Variants in CACNA1B observed in about 807,000 individuals in gnomAD.
CACNA1B encodes the protein voltage-dependent N-type calcium channel subunit alpha-1B.
In CACNA1B, 70 loss-of-function variants were observed where a neutral mutation model predicts 247.2. That is an observed-to-expected ratio of 0.28 (90% CI 0.23 to 0.35). The LOEUF is 0.35. Ranked by LOEUF, CACNA1B falls within the 10% of genes least tolerant of loss-of-function variation. The pLI, the probability that CACNA1B is intolerant of heterozygous loss-of-function variation, is 1.00. For synonymous variants in CACNA1B, 1,231 were observed against 1,294.4 expected (o/e 0.95, Z 1.05); for missense variants, 2,367 against 3,197.4 (o/e 0.74, Z 6.26).
In CACNA1B at chr9:138,014,286, C is replaced by T. The variant is rs1958763448; in HGVS notation, c.2267+1051C>T. The stretch of plus-strand genomic sequence containing the variant: ...TGTGAGTGCATGTGCTGAGTGTGTG[C>T]ACCCCCATACCAGCCCTGATCCTGC... On this transcript the variant is annotated intron_variant, in intron 18 of 46. Coordinates refer to ENST00000371372, the MANE Select transcript of CACNA1B (RefSeq NM_000718.4). This position sits in a 1 kb window ranked among gnomAD's most constrained non-coding sequence, Gnocchi z 6.2. 6.6e-6 allele frequency among the ~76,000 whole-genome samples: 1 copy of T among 152,148 alleles called. No individual in the cohort carries two copies. The highest frequency in any genetic ancestry group is 1.5e-5 in the Non-Finnish European group (1 of 68,024).
At chr9:137,892,045 C>A in intron 3 of CACNA1B, 1 of 457,276 alleles carries the variant, frequency 2.2e-6, no homozygotes, top group Non-Finnish European at 4.4e-6. Context: ...GTGTCTTCTC[C>A]ACTCCCACCC....
intron 2 of CACNA1B, among the ~76,000 whole-genome samples, chr9:137,879,711 G>A (rs948470137): frequency 3.9e-5 from 6 of 152,150 alleles, no homozygotes; most frequent in African/African-American, 1.2e-4. Context: ...CAGCCAAGAG[G>A]CCCCCGTGGT....
intron 34 of CACNA1B, 33 bp from the exon 35 acceptor site, chr9:138,075,786 C>G: frequency 6.9e-7 from 1 of 1,446,806 alleles, no homozygotes; most frequent in Non-Finnish European, 9.6e-7. Flanking sequence ...GCAGACCCAG[C>G]AGGGTCCGTG....
rs146996665 is a variant in CACNA1B at position 138,040,481 on chromosome 9, C to CATAT, written c.3287-3281_3287-3278dup. On this transcript the variant is annotated intron_variant, in intron 20 of 46. Coordinates refer to ENST00000371372, the MANE Select transcript of CACNA1B (RefSeq NM_000718.4). Reference sequence around the variant, plus strand: ...ATATATATATGTATCTCCTATATATCATATATATATATATAAATGATATAT... The same window carrying CATAT: ...ATATATATATGTATCTCCTATATATCATATATATATATATATATAAATGATATAT... 1.3e-3 allele frequency: 282 copies of CATAT among 210,140 alleles called. 1 individual carries two copies. Among genetic ancestry groups the CATAT allele is most frequent in the African/African-American group, 6.1e-3 (249 of 40,696 alleles). The allele number at this position is 210,140 out of a possible 1,614,324, so 13.0% of individuals were successfully genotyped here. A position where few individuals can be genotyped will look rare whatever the true frequency, so the allele number is the denominator to read the frequency against.
In CACNA1B at chr9:138,059,272, A is replaced by G. The variant is rs1173720854; in HGVS notation, c.4584+83A>G. ...GTAGGGCGACCTTTGGGGGCTCACAATTTGGAGCTGGGAATTCTCCGAGTA... is the reference window on the plus strand; with the variant it reads ...GTAGGGCGACCTTTGGGGGCTCACAGTTTGGAGCTGGGAATTCTCCGAGTA... On this transcript the variant is annotated intron_variant, in intron 30 of 46. Coordinates refer to ENST00000371372, the MANE Select transcript of CACNA1B (RefSeq NM_000718.4). This position sits in a 1 kb window ranked among gnomAD's most constrained non-coding sequence, Gnocchi z 4.2. The G allele has an allele frequency of 2.6e-5, 20 of 772,660 alleles. No individual in the cohort carries two copies. The highest frequency in any genetic ancestry group is 8.5e-5 in the African/African-American group (5 of 58,600). 47.9% of individuals were successfully genotyped at this position (772,660 alleles called of 1,614,324 possible).
intron 34 of CACNA1B, among the ~76,000 whole-genome samples, chr9:138,075,452 G>C (rs1412105277): frequency 6.6e-6 from 1 of 152,252 alleles, no homozygotes; most frequent in Non-Finnish European, 1.5e-5. Context: ...ATTTTCCCAT[G>C]ATCTGTCAGA....
chr9:137,995,677 A>G (rs1010479361), intron 15 of CACNA1B, among the ~76,000 whole-genome samples: 1 of 152,252 alleles, frequency 6.6e-6, no homozygotes, highest in Non-Finnish European at 1.5e-5. Flanking sequence ...AAAGATAAAT[A>G]TATGAGACTT....
At chr9:137,939,852 A>T (rs886505410) in intron 6 of CACNA1B, among the ~76,000 whole-genome samples, 9 of 67,476 alleles carry the variant, frequency 1.3e-4, no homozygotes, top group Non-Finnish European at 1.7e-4. Context: ...ATAAATAAAA[A>T]AAAATAAAAT....
chr9:138,012,167 A>G lies in CACNA1B; in HGVS notation c.2161-962A>G, dbSNP rs557220198. ...GCAAGTGGTCACCCAGGAGTGGGGG[A>G]GACAGGGAGAGGCTTCTGACAGCCA... is the stretch of plus-strand genomic sequence containing the variant. On this transcript the variant is annotated intron_variant, in intron 17 of 46. Transcript: ENST00000371372. This position sits in a 1 kb window ranked among gnomAD's most constrained non-coding sequence, Gnocchi z 4.2. Among the ~76,000 whole-genome samples, 1 of 152,264 alleles carries G rather than the reference A, an allele frequency of 6.6e-6. No individual in the cohort carries two copies. Among genetic ancestry groups the G allele is most frequent in the African/African-American group, 2.4e-5 (1 of 41,560 alleles).
intron 39 of CACNA1B, among the ~76,000 whole-genome samples, chr9:138,106,413 G>T (rs565043585): frequency 3.3e-5 from 5 of 151,938 alleles, no homozygotes; most frequent in Non-Finnish European, 7.3e-5. Flanking sequence ...ATGCCATACT[G>T]TTTCTTGCCC....
In CACNA1B at chr9:137,986,307, C is replaced by A. The variant is rs1958360891; in HGVS notation, c.1770-106C>A. On this transcript the variant is annotated intron_variant, in intron 13 of 46. Transcript: ENST00000371372. The surrounding 1 kb of genome is among the most constrained non-coding windows in gnomAD (Gnocchi z 6.0). ...TCTAACTTCACACCTAGGTGTGCAG[C>A]CCTCAGGGTTTAGAAAGTCAGTGGA... The A allele has an allele frequency of 1.6e-6, 2 of 1,252,814 alleles. No individual in the cohort carries two copies. Among genetic ancestry groups the A allele is most frequent in the Non-Finnish European group, 2.2e-6 (2 of 893,154 alleles). 77.6% of individuals were successfully genotyped at this position (1,252,814 alleles called of 1,614,324 possible).
At position 137,879,603 on chromosome 9, in the gene CACNA1B, C is replaced by T. The variant is rs78812339; in HGVS notation, c.390+444C>T. On this transcript the variant is annotated intron_variant, in intron 2 of 46. Coordinates refer to ENST00000371372, the MANE Select transcript of CACNA1B (RefSeq NM_000718.4). ...GCCTCATCCTCCAAGTTGTCTTGTG[C>T]GGGCCTGCTTGGAACCTCTTCTCCA... is the stretch of plus-strand genomic sequence containing the variant. Among the ~76,000 whole-genome samples the T allele has an allele frequency of 1.9e-3, 287 of 152,354 alleles. 2 individuals carry two copies. The highest frequency in any genetic ancestry group is 6.6e-3 in the African/African-American group (275 of 41,580).
chr9:137,893,566 G>A (rs757968538), intron 3 of CACNA1B, among the ~76,000 whole-genome samples: 13 of 151,470 alleles, frequency 8.6e-5, no homozygotes, highest in East Asian at 1.9e-4. Context: ...CAGGAGGATC[G>A]CTTGAACCCA....
chr9:137,937,502 G>A (rs1018003734), intron 6 of CACNA1B, among the ~76,000 whole-genome samples: 2 of 152,102 alleles, frequency 1.3e-5, no homozygotes. Context: ...CTAAAAATTT[G>A]GAAAATGTAT....
Position 137,919,647 on chromosome 9 carries a change from G to T in CACNA1B, c.966+2216G>T, listed in dbSNP as rs1957454862. On this transcript the variant is annotated intron_variant, in intron 6 of 46. Transcript: ENST00000371372. The surrounding 1 kb of genome is among the most constrained non-coding windows in gnomAD (Gnocchi z 4.6). Reference sequence around the variant, plus strand: ...GACTTTTGTGGCCCCTCGGATATACGCTCCTTCAAGCAATGACATCTGGGT... The same window carrying T: ...GACTTTTGTGGCCCCTCGGATATACTCTCCTTCAAGCAATGACATCTGGGT... Among the ~76,000 whole-genome samples, 1 of 152,220 alleles carries T rather than the reference G, an allele frequency of 6.6e-6. No homozygotes were observed.
intron 31 of CACNA1B, among the ~76,000 whole-genome samples, chr9:138,061,512 GT>G (rs1262429516): frequency 6.6e-6 from 1 of 152,150 alleles, no homozygotes; most frequent in Non-Finnish European, 1.5e-5. Context: ...CCCATGAAGT[GT>G]ATCACCAAGC....
chr9:138,094,545 C>T (rs1043454849), intron 36 of CACNA1B, among the ~76,000 whole-genome samples: 1 of 151,776 alleles, frequency 6.6e-6, no homozygotes, highest in Non-Finnish European at 1.5e-5. Context: ...GTGAGGCCAG[C>T]ATTGCCCTTA....
intron 6 of CACNA1B, among the ~76,000 whole-genome samples, chr9:137,920,565 C>A (rs1016034842): frequency 1.3e-5 from 2 of 152,202 alleles, no homozygotes; most frequent in Non-Finnish European, 2.9e-5. Flanking sequence ...CTTCGCCTTA[C>A]CCAGGAGCTG....
chr9:137,888,940 A>T lies in CACNA1B; in HGVS notation c.530+6057A>T, dbSNP rs1194170742. On this transcript the variant is annotated intron_variant, in intron 3 of 46. Transcript: ENST00000371372. This position sits in a 1 kb window ranked among gnomAD's most constrained non-coding sequence, Gnocchi z 4.7. ...CCATGTGCAAGTGTGCGGCTCAGGG[A>T]TGACCTGACGCTGTGTCTGAAAACA... Among the ~76,000 whole-genome samples the T allele has an allele frequency of 1.4e-5, 2 of 139,318 alleles. No homozygotes were observed. The highest frequency in any genetic ancestry group is 3.3e-5 in the Non-Finnish European group (2 of 59,942). 91.4% of individuals were successfully genotyped at this position (139,318 alleles called of 152,430 possible).
Sources: allele counts gnomAD v4.1 joint callset (sites outside exome capture counted in the v4.1 genomes callset), GRCh38; gene constraint gnomAD v4.1.1; non-coding constraint Gnocchi (gnomAD v3.1); transcripts MANE v1.5; gene names NCBI Gene and HGNC (gene_info 2026-07-23, HGNC 2026-07-21).